Variants in NCOA2 observed in about 807,000 individuals in gnomAD.
NCOA2 encodes class E basic helix-loop-helix protein 75.
Under a neutral mutation model 145.1 loss-of-function variants are expected in NCOA2, and 21 were observed. The ratio of observed to expected loss-of-function variants is 0.14; its 90% CI spans 0.10 to 0.21. NCOA2 has a LOEUF of 0.21. Ranked by LOEUF, NCOA2 falls within the 10% of genes least tolerant of loss-of-function variation. The pLI is 1.00. For missense variants in NCOA2, 1,472 were observed against 1,837.6 expected (o/e 0.80, Z 3.64); for synonymous variants, 619 against 637.5 (o/e 0.97, Z 0.44).
At chr8:70,261,202 C>G (rs1261816265) in intron 2 of NCOA2, among the ~76,000 whole-genome samples, 1 of 152,134 alleles carries the variant, frequency 6.6e-6, no homozygotes, top group African/African-American at 2.4e-5. Flanking sequence ...GGAACCAACC[C>G]AAATGTCCAA....
Position 70,170,199 on chromosome 8 carries a change from T to C in NCOA2, c.541+3A>G. ...TAGGGAGGGAGACCCAGCAGACATT[T>C]ACCTATAGACTTTGGCAGCAGGTTT... On this transcript the variant is annotated splice_donor_region_variant and intron_variant, in intron 6 of 22. Transcript: ENST00000452400. The C allele has an allele frequency of 2.5e-6, 4 of 1,612,596 alleles. No individual in the cohort carries two copies. The highest frequency in any genetic ancestry group is 3.4e-6 in the Non-Finnish European group (4 of 1,179,364).
the NCOA2 span, among the ~76,000 whole-genome samples, chr8:70,438,923 A>G: frequency 0.13 from 19,468 of 152,156 alleles, 1,498 homozygotes; most frequent in East Asian, 0.32. Flanking sequence ...CTACATTCCA[A>G]TGGTTTTCTG....
At chr8:70,384,776 T>C (rs1433627009) in intron 1 of NCOA2, among the ~76,000 whole-genome samples, 1 of 152,018 alleles carries the variant, frequency 6.6e-6, no homozygotes, top group Admixed American at 6.6e-5. Flanking sequence ...CACTGTCAGG[T>C]TCACCTTCAA....
intron 2 of NCOA2, among the ~76,000 whole-genome samples, chr8:70,261,221 G>T (rs1824093722): frequency 6.6e-6 from 1 of 152,188 alleles, no homozygotes. Flanking sequence ...AACAATGATA[G>T]ATTGGATTAA....
chr8:70,383,969 A>C (rs1812447300), intron 1 of NCOA2, among the ~76,000 whole-genome samples: 1 of 152,210 alleles, frequency 6.6e-6, no homozygotes, highest in African/African-American at 2.4e-5. Context: ...CCATCAGGGA[A>C]TTTAGCTATA....
intron 2 of NCOA2, among the ~76,000 whole-genome samples, chr8:70,243,616 G>A (rs1326385615): frequency 6.6e-6 from 1 of 151,780 alleles, no homozygotes; most frequent in Admixed American, 6.6e-5. Context: ...GAAAAACAAA[G>A]AAAGCTCAAA....
chr8:70,397,184 T>A (rs1049772106), intron 1 of NCOA2, among the ~76,000 whole-genome samples: 2 of 152,112 alleles, frequency 1.3e-5, no homozygotes, highest in Non-Finnish European at 2.9e-5. Context: ...ATGGGCCAGG[T>A]GCAATAGCTC....
At chr8:70,327,690 C>T (rs914163584) in intron 1 of NCOA2, among the ~76,000 whole-genome samples, 2 of 152,090 alleles carry the variant, frequency 1.3e-5, no homozygotes, top group Non-Finnish European at 2.9e-5. Flanking sequence ...CCTGGATTTC[C>T]AAAGCGGTTT....
intron 1 of NCOA2, among the ~76,000 whole-genome samples, chr8:70,400,715 T>C (rs1339278091): frequency 1.3e-5 from 2 of 152,190 alleles, no homozygotes; most frequent in South Asian, 4.1e-4. Context: ...TTAATTCTTG[T>C]CTACATGCAC....
chr8:70,386,852 G>C (rs542601389), intron 1 of NCOA2, among the ~76,000 whole-genome samples: 13 of 152,120 alleles, frequency 8.5e-5, no homozygotes, highest in Non-Finnish European at 1.8e-4. Flanking sequence ...CTTGTCCAAT[G>C]CAACAGGTCC....
intron 4 of NCOA2, among the ~76,000 whole-genome samples, chr8:70,210,225 A>G (rs1192334642): frequency 6.6e-6 from 1 of 152,212 alleles, no homozygotes; most frequent in African/African-American, 2.4e-5. Context: ...TTTGAGTACG[A>G]AATAGGTTAT....
chr8:70,257,828 C>T (rs1049803970), intron 2 of NCOA2, among the ~76,000 whole-genome samples: 1 of 151,840 alleles, frequency 6.6e-6, no homozygotes, highest in Non-Finnish European at 1.5e-5. Context: ...CCTCCCTGAT[C>T]TGTCTTGGAT....
At chr8:70,232,302 G>A (rs1166563637) in intron 2 of NCOA2, among the ~76,000 whole-genome samples, 1 of 152,048 alleles carries the variant, frequency 6.6e-6, no homozygotes, top group Non-Finnish European at 1.5e-5. Context: ...TCATTCCCAA[G>A]TCTTTCCACC....
chr8:70,177,095 A>G (rs1814938755), intron 4 of NCOA2, among the ~76,000 whole-genome samples: 1 of 152,176 alleles, frequency 6.6e-6, no homozygotes, highest in Non-Finnish European at 1.5e-5. Flanking sequence ...TCCTTCGCCT[A>G]ACTATTCACA....
chr8:70,123,927 G>T lies in NCOA2; in HGVS notation c.4250C>A (p.Thr1417Asn), dbSNP rs761611081. ...GGACAGCCCTGACGTAGGCACGGAG[G>T]TCACTGAGGTCATGCTGATCTGTCC... Reference protein sequence around the residue: ...MTGQISMTSVTSVPTSGLSSM... With the variant: ...MTGQISMTSVNSVPTSGLSSM... Residue 1417 changes from threonine (T) to asparagine (N), a missense_variant, in exon 21 of 23, where the codon ACC (threonine) becomes AAC (asparagine). Around this residue, in one of 4 missense-constraint regions of NCOA2, gnomAD observed 232 missense variants for 290.6 expected, o/e 0.80. Coordinates refer to ENST00000452400, the MANE Select transcript of NCOA2 (RefSeq NM_006540.4). The T allele has an allele frequency of 1.2e-6, 2 of 1,613,734 alleles. No individual in the cohort carries two copies. The highest frequency in any genetic ancestry group is 2.7e-5 in the African/African-American group (2 of 74,916).
intron 2 of NCOA2, among the ~76,000 whole-genome samples, chr8:70,288,298 A>G (rs1434246747): frequency 6.6e-6 from 1 of 152,142 alleles, no homozygotes; most frequent in Non-Finnish European, 1.5e-5. Context: ...TGGAGGAAAT[A>G]GGCCGGTGTG....
chr8:70,375,515 G>A (rs901103930), intron 1 of NCOA2, among the ~76,000 whole-genome samples: 1 of 152,162 alleles, frequency 6.6e-6, no homozygotes, highest in African/African-American at 2.4e-5. Flanking sequence ...AATTAAAATT[G>A]AGGGCAAAAA....
chr8:70,432,424 G>A, the NCOA2 span, among the ~76,000 whole-genome samples: 1 of 152,204 alleles, frequency 6.6e-6, no homozygotes, highest in South Asian at 2.1e-4. Flanking sequence ...AATTTTGGGA[G>A]GCCAAGGTGA....
chr8:70,334,073 C>T (rs945195720), intron 1 of NCOA2, among the ~76,000 whole-genome samples: 3 of 152,170 alleles, frequency 2.0e-5, no homozygotes, highest in Admixed American at 6.5e-5. Flanking sequence ...CTGCTACCTA[C>T]CTGATAAAAC....
Sources: allele counts gnomAD v4.1 joint callset (sites outside exome capture counted in the v4.1 genomes callset), GRCh38; gene constraint gnomAD v4.1.1; regional missense constraint gnomAD v4.1.1; transcripts MANE v1.5; gene names NCBI Gene and HGNC (gene_info 2026-07-23, HGNC 2026-07-21).